Variants in NOX1 observed in about 807,000 individuals in gnomAD.
NOX1 encodes the protein NADPH oxidase 1, also known as NADH/NADPH mitogenic oxidase subunit P65-MOX.
Under a neutral mutation model 42.5 loss-of-function variants are expected in NOX1, and 34 were observed. The ratio of observed to expected loss-of-function variants is 0.80; its 90% CI spans 0.61 to 1.07. The LOEUF is 1.07. NOX1 is among the 50% of genes least tolerant of loss of function. The probability of loss-of-function intolerance (pLI) is 0.00; values close to 1 mark genes in which losing one functional copy is unlikely to be tolerated. For missense variants in NOX1, 408 were observed against 427.0 expected, an observed-to-expected ratio of 0.96 and a Z score of 0.39; for synonymous variants, 143 against 152.5, an observed-to-expected ratio of 0.94 and a Z score of 0.46.
intron 2 of NOX1, among the ~76,000 whole-genome samples, chrX:100,870,270 G>T (rs868064396): frequency 6.7e-5 from 7 of 103,717 alleles, no homozygotes; most frequent in Admixed American, 1.0e-4. Flanking sequence ...AAAAAAAAAA[G>T]AAATAGGGGC....
intron 1 of NOX1, among the ~76,000 whole-genome samples, chrX:100,871,116 G>C (rs2085272056): frequency 8.9e-6 from 1 of 112,225 alleles, no homozygotes; most frequent in African/African-American, 3.2e-5. Flanking sequence ...ATTTGCTAAT[G>C]GTTGAGAAAA....
intron 7 of NOX1, among the ~76,000 whole-genome samples, chrX:100,857,357 T>C (rs1455885234): frequency 1.8e-5 from 2 of 112,203 alleles, no homozygotes; most frequent in African/African-American, 6.5e-5. Context: ...CATGTGTCTT[T>C]GTCATAGAAT....
intron 1 of NOX1, among the ~76,000 whole-genome samples, chrX:100,873,213 G>C (rs374838737): frequency 9.0e-6 from 1 of 111,226 alleles, no homozygotes; most frequent in East Asian, 2.8e-4. Context: ...AGAAATGGAA[G>C]AATGAGAGTG....
In NOX1 at chrX:100,874,161, CCTTCTAGG is replaced by C; in HGVS notation, c.-30_-23del. The C allele has an allele frequency of 8.7e-7, 1 of 1,152,683 alleles. No homozygotes were observed. The highest frequency in any genetic ancestry group is 1.2e-6 in the Non-Finnish European group (1 of 846,704). 95.0% of individuals were successfully genotyped at this position (1,152,683 alleles called of 1,213,427 possible). A position where few individuals can be genotyped will look rare whatever the true frequency, so the allele number is the denominator to read the frequency against. The stretch of plus-strand genomic sequence containing the variant: ...CCATTGTCAAGAGGTGGTTTGGAGC[CCTTCTAGG>C]CAACAGGGAAGATTCAGCAATCCGG... On this transcript the variant is annotated 5_prime_UTR_variant, in exon 1 of 13. Coordinates refer to ENST00000372966, the MANE Select transcript of NOX1 (RefSeq NM_007052.5).
intron 7 of NOX1, chrX:100,855,871 C>T: frequency 1.7e-6 from 2 of 1,165,921 alleles, no homozygotes; most frequent in Admixed American, 4.3e-5. Flanking sequence ...CAGTTGTGGC[C>T]ATTCACAGTA....
At chrX:100,846,940 C>T (rs1443072115) in intron 12 of NOX1, among the ~76,000 whole-genome samples, 2 of 111,195 alleles carry the variant, frequency 1.8e-5, no homozygotes, top group Non-Finnish European at 3.8e-5. Flanking sequence ...GTAATCCCAG[C>T]ACTTTGGGAG....
intron 12 of NOX1, among the ~76,000 whole-genome samples, chrX:100,845,989 T>A (rs950646923): frequency 1.4e-4 from 16 of 110,645 alleles, no homozygotes; most frequent in Admixed American, 2.9e-4. Flanking sequence ...GGTTTCACCG[T>A]GTTAGCCAGG....
intron 2 of NOX1, among the ~76,000 whole-genome samples, chrX:100,867,125 T>C (rs1489340979): frequency 1.8e-5 from 2 of 111,924 alleles, no homozygotes; most frequent in African/African-American, 3.2e-5. Context: ...CTCCGCCTTC[T>C]GGGTTCACGC....
Position 100,862,759 on chromosome X carries a change from T to A in NOX1, c.399A>T (p.Thr133=), listed in dbSNP as rs148464493. ...AGAGAATGGAGGCAAGGGAGCCATCTGTGGCCTGTCGGCTTCTGCTATAGC... is the reference window on the plus strand; with the variant it reads ...AGAGAATGGAGGCAAGGGAGCCATCAGTGGCCTGTCGGCTTCTGCTATAGC... ...FDCYSRSRQA[T]DGSLASILSS... The change falls in exon 5 of 13, where the codon ACA becomes ACT. Residue 133 remains threonine, a synonymous_variant. Coordinates refer to ENST00000372966, the MANE Select transcript of NOX1 (RefSeq NM_007052.5). 1.7e-6 allele frequency: 2 copies of A among 1,198,064 alleles called. No individual in the cohort carries two copies. The highest frequency in any genetic ancestry group is 3.5e-5 in the African/African-American group (2 of 56,651).
chrX:100,853,288 T>TCTCTTTC (rs1569445569), intron 7 of NOX1, among the ~76,000 whole-genome samples: 4 of 69,669 alleles, frequency 5.7e-5, no homozygotes, highest in African/African-American at 2.7e-4. Flanking sequence ...CTTTCTTTCT[T>TCTCTTTC]TCTTTCTTTC....
chrX:100,862,670 G>A lies in NOX1; in HGVS notation c.488C>T (p.Thr163Met), dbSNP rs758167450. The part of the protein sequence containing the change: ...SWLNPIQSRN[T>M]TVEYVTFTSI... The stretch of plus-strand genomic sequence containing the variant: ...TGCTTTGCTAGAAAGTCAACTCACC[G>A]TGTTTCGGGACTGGATGGGATTTAG... Residue 163 changes from threonine to methionine, a missense_variant and splice_region_variant, in exon 5 of 13, where the codon ACG (threonine) becomes ATG (methionine). By Grantham distance (81) the Thr-to-Met change is moderately conservative (BLOSUM62 -1). Coordinates refer to ENST00000372966, the MANE Select transcript of NOX1 (RefSeq NM_007052.5). The A allele has an allele frequency of 9.2e-6, 11 of 1,192,093 alleles. No homozygotes were observed. Among genetic ancestry groups the A allele is most frequent in the African/African-American group, 3.5e-5 (2 of 56,352 alleles).
At chrX:100,850,443 C>T (rs1267224018) in intron 8 of NOX1, 57 bp from the exon 9 acceptor site, 3 of 779,054 alleles carry the variant, frequency 3.9e-6, no homozygotes, top group African/African-American at 4.2e-5. Context: ...CAGGGACAGG[C>T]AGATAAAGCA....
intron 7 of NOX1, among the ~76,000 whole-genome samples, chrX:100,857,500 G>A (rs1366254041): frequency 1.8e-5 from 2 of 112,157 alleles, no homozygotes; most frequent in East Asian, 5.6e-4. Flanking sequence ...CACCAGCACT[G>A]TATAAGTGCT....
chrX:100,856,121 T>C (rs370006089), intron 7 of NOX1: 26 of 978,228 alleles, frequency 2.7e-5, no homozygotes, highest in South Asian at 2.3e-4. Context: ...GACAGTTCTC[T>C]TTGGTTCCAC....
rs2085294158 is a variant in NOX1 at position 100,874,256 on chromosome X, G to T, written c.-117C>A. On this transcript the variant is annotated 5_prime_UTR_variant, in exon 1 of 13. Coordinates refer to ENST00000372966, the MANE Select transcript of NOX1 (RefSeq NM_007052.5). ...CAGCGCAGGGTCTGTGAGCCTTTAA[G>T]ATGTGAAAAACACACACCTACCCCA... The T allele has an allele frequency of 9.6e-6, 5 of 518,571 alleles. No homozygotes were observed. The South Asian group carries it at 1.6e-4, about 17-fold the overall frequency. The allele number at this position is 518,571 out of a possible 1,213,427, so 42.7% of individuals were successfully genotyped here. A position where few individuals can be genotyped will look rare whatever the true frequency, so the allele number is the denominator to read the frequency against.
Position 100,850,368 on chromosome X carries a change from T to C in NOX1, c.916A>G (p.Lys306Glu), listed in dbSNP as rs1390703729. ...TTGTTCATCTGCAATTCCAAAACTT[T>C]GGATGGGTGCATAACAACCTGTGAA... is the stretch of plus-strand genomic sequence containing the variant. ...VITKVVMHPS[K>E]VLELQMNKRG... The change falls in exon 9 of 13, where the codon AAA (lysine) becomes GAA (glutamate). Residue 306 changes from lysine (K) to glutamate (E), a missense_variant. Coordinates refer to ENST00000372966, the MANE Select transcript of NOX1 (RefSeq NM_007052.5). 8.4e-7 allele frequency: 1 copy of C among 1,186,439 alleles called. No homozygotes were observed. Among genetic ancestry groups the C allele is most frequent in the African/African-American group, 1.8e-5 (1 of 56,813 alleles).
intron 12 of NOX1, 118 bp from the exon 13 acceptor site, chrX:100,844,196 C>T: frequency 1.5e-6 from 1 of 655,439 alleles, no homozygotes; most frequent in Non-Finnish European, 2.3e-6. Context: ...TTGTTTACTC[C>T]CACGTTCTTC....
chrX:100,853,286 C>CT (rs763870867), intron 7 of NOX1, among the ~76,000 whole-genome samples: 1 of 60,787 alleles, frequency 1.6e-5, no homozygotes, highest in Non-Finnish European at 3.3e-5. Flanking sequence ...TTCTTTCTTT[C>CT]TTTCTTTCTT....
At chrX:100,866,520 G>GTGTA (rs1199368350) in intron 2 of NOX1, among the ~76,000 whole-genome samples, 3 of 108,083 alleles carry the variant, frequency 2.8e-5, no homozygotes, top group Admixed American at 2.0e-4. Flanking sequence ...GTGTGTGTGT[G>GTGTA]TATCTCTGGG....
Sources: allele counts gnomAD v4.1 joint callset (sites outside exome capture counted in the v4.1 genomes callset), GRCh38; gene constraint gnomAD v4.1.1; transcripts MANE v1.5; gene names NCBI Gene and HGNC (gene_info 2026-07-23, HGNC 2026-07-21).